The following KLHDC4 variants were observed in gnomAD, a reference collection of about 807,000 sequenced individuals.
KLHDC4 encodes the protein kelch domain-containing protein 4.
In KLHDC4, 90 loss-of-function variants were observed where a neutral mutation model predicts 62.4. The observed-to-expected ratio is 1.44, with a 90% CI of 1.22 to 1.72. The LOEUF (loss-of-function observed/expected upper bound fraction) is 1.72. KLHDC4 is among the 40% of genes most tolerant of loss of function. The pLI, the probability that KLHDC4 is intolerant of heterozygous loss-of-function variation, is 0.00. For missense variants in KLHDC4, 1,025 were observed against 699.7 expected (o/e 1.47, Z -5.25); for synonymous variants, 386 against 284.4 (o/e 1.36, Z -3.59).
At chr16:87,734,612 G>A (rs1373799940) in intron 5 of KLHDC4, among the ~76,000 whole-genome samples, 1 of 152,154 alleles carries the variant, frequency 6.6e-6, no homozygotes, top group African/African-American at 2.4e-5. Context: ...CCCCTCCATG[G>A]AATGTCAACC....
intron 6 of KLHDC4, chr16:87,729,267 T>G (rs1049844328): frequency 7.9e-5 from 12 of 152,160 alleles, no homozygotes; most frequent in African/African-American, 2.9e-4. Context: ...TACAGACTTA[T>G]CACGATGGAT....
intron 7 of KLHDC4, among the ~76,000 whole-genome samples, chr16:87,720,122 G>A (rs1016328334): frequency 6.7e-6 from 1 of 148,166 alleles, no homozygotes; most frequent in African/African-American, 2.7e-5. Flanking sequence ...CATCAGGAGA[G>A]GAGAAGACAC....
chr16:87,756,769 T>A (rs75996787), intron 2 of KLHDC4, among the ~76,000 whole-genome samples: 3,765 of 150,776 alleles, frequency 0.025, 152 homozygotes, highest in African/African-American at 0.086. Flanking sequence ...TAAGTCCAGA[T>A]GCCCCTACTG....
chr16:87,729,969 T>C (rs2040050846), intron 6 of KLHDC4, among the ~76,000 whole-genome samples: 1 of 152,218 alleles, frequency 6.6e-6, no homozygotes, highest in Non-Finnish European at 1.5e-5. Context: ...TTATTTATTT[T>C]TTCAAACGAA....
intron 7 of KLHDC4, among the ~76,000 whole-genome samples, chr16:87,720,462 G>C (rs2038052823): frequency 6.6e-6 from 1 of 152,180 alleles, no homozygotes; most frequent in Admixed American, 6.5e-5. Context: ...CCCATCAAGA[G>C]CACAGCTCGG....
intron 2 of KLHDC4, among the ~76,000 whole-genome samples, chr16:87,757,873 C>A (rs182778453): frequency 1.3e-5 from 2 of 152,088 alleles, no homozygotes. Flanking sequence ...TCCTGGGAGA[C>A]AGAGCAAGAC....
At chr16:87,706,070 AAC>A (rs1166490283), downstream of KLHDC4, among the ~76,000 whole-genome samples, 5 of 148,802 alleles carry the variant, frequency 3.4e-5, no homozygotes, top group Non-Finnish European at 7.5e-5. Flanking sequence ...GCGGAACGCA[AAC>A]ACAAGCTGTA....
At chr16:87,708,236 A>G (rs2142900386) in intron 11 of KLHDC4, 114 bp downstream of exon 11, 1 of 718,898 alleles carries the variant, frequency 1.4e-6, no homozygotes. Context: ...TACTCCACAC[A>G]CCAACGTTTT....
At chr16:87,703,543 T>C (rs1213531924), downstream of KLHDC4, 8 of 152,386 alleles carry the variant, frequency 5.2e-5, no homozygotes, top group East Asian at 1.5e-3. Context: ...CGTCTCCGTT[T>C]GTTTCTCAGG....
chr16:87,759,017 A>T (rs994241815), intron 2 of KLHDC4, among the ~76,000 whole-genome samples: 5 of 152,084 alleles, frequency 3.3e-5, no homozygotes, highest in African/African-American at 1.2e-4. Flanking sequence ...CTCTACTAAA[A>T]ATACAAAATT....
chr16:87,729,106 T>C (rs2039883073), intron 6 of KLHDC4, among the ~76,000 whole-genome samples: 1 of 152,192 alleles, frequency 6.6e-6, no homozygotes, highest in Admixed American at 6.5e-5. Flanking sequence ...AATTACATTT[T>C]TAAATCTTTC....
chr16:87,709,392 C>A lies in KLHDC4; in HGVS notation c.1320G>T (p.Lys440Asn), dbSNP rs1448467947. The A allele has an allele frequency of 6.2e-7, 1 of 1,613,416 alleles. No homozygotes were observed. The highest frequency in any genetic ancestry group is 1.1e-5 in the South Asian group (1 of 91,092). Residue 440 changes from lysine to asparagine, a missense_variant, in exon 10 of 12, where the codon AAG becomes AAT. Transcript: ENST00000270583. The part of the protein sequence containing the change: ...CPRSNAMLAV[K>N]HGVLYVYGGM... The stretch of plus-strand genomic sequence containing the variant: ...CCCCATAGACGTAGAGCACCCCATG[C>A]TTCACAGCCAGCATGGCGTTGGAGC...
chr16:87,759,044 G>C (rs774859739), intron 2 of KLHDC4, among the ~76,000 whole-genome samples: 3 of 152,002 alleles, frequency 2.0e-5, no homozygotes, highest in Non-Finnish European at 1.5e-5. Flanking sequence ...GCATGGTGGC[G>C]CATGCCTGTA....
At chr16:87,754,236 C>T (rs1333796673) in intron 4 of KLHDC4, among the ~76,000 whole-genome samples, 1 of 152,168 alleles carries the variant, frequency 6.6e-6, no homozygotes, top group East Asian at 1.9e-4. Context: ...ATCCCAGTTA[C>T]TCAGGAGGCT....
chr16:87,765,957 C>A lies in KLHDC4; in HGVS notation c.-67G>T. 6.8e-7 allele frequency: 1 copy of A among 1,471,218 alleles called. No homozygotes were observed. The highest frequency in any genetic ancestry group is 9.3e-7 in the Non-Finnish European group (1 of 1,080,290). 91.1% of individuals were successfully genotyped at this position (1,471,218 alleles called of 1,614,324 possible). ...ACGGCCCGCGCTCTCCGCTCGGAAA[C>A]AGGTGCTCGTGGGGCGGAGCTCGGC... On this transcript the variant is annotated 5_prime_UTR_variant, in exon 1 of 12. Coordinates refer to ENST00000270583, the MANE Select transcript of KLHDC4 (RefSeq NM_017566.4).
intron 3 of KLHDC4, 131 bp downstream of exon 3, chr16:87,756,268 C>A: frequency 1.5e-6 from 1 of 669,228 alleles, no homozygotes; most frequent in Non-Finnish European, 2.6e-6. Context: ...TCACATCAGG[C>A]CTGACGGCTC....
chr16:87,739,999 C>T lies in KLHDC4; in HGVS notation c.506+8674G>A, dbSNP rs2042006588. ...TATATGAATCACATCTCAGAGAAAG[C>T]TGTTATGAAACACCTATCGGGCGGG... On this transcript the variant is annotated intron_variant, in intron 5 of 11. Transcript: ENST00000270583. 2.0e-5 allele frequency: 3 copies of T among 152,240 alleles called. No homozygotes were observed. In the South Asian group the frequency reaches 6.2e-4, roughly 31 times the overall value. The allele number at this position is 152,240 out of a possible 1,614,324, so 9.4% of individuals were successfully genotyped here.
intron 4 of KLHDC4, among the ~76,000 whole-genome samples, chr16:87,752,212 G>A (rs2044109933): frequency 6.7e-6 from 1 of 148,536 alleles, no homozygotes; most frequent in Non-Finnish European, 1.5e-5. Flanking sequence ...TTCAACACTT[G>A]CCTGGGCAAT....
Position 87,742,616 on chromosome 16 carries a change from A to C in KLHDC4, c.506+6057T>G, listed in dbSNP as rs547182819. Among the ~76,000 whole-genome samples the C allele has an allele frequency of 1.8e-3, 276 of 152,268 alleles. 1 individual carries two copies. Among genetic ancestry groups the C allele is most frequent in the Non-Finnish European group, 3.5e-3 (237 of 68,026 alleles). ...GAGGGTACAAGGAGAGGTTAGGGTAAAACACAGATTCCTCAACCACACATC... is the reference window on the plus strand; with the variant it reads ...GAGGGTACAAGGAGAGGTTAGGGTACAACACAGATTCCTCAACCACACATC... On this transcript the variant is annotated intron_variant, in intron 5 of 11. Transcript: ENST00000270583.
Sources: allele counts gnomAD v4.1 joint callset (sites outside exome capture counted in the v4.1 genomes callset), GRCh38; gene constraint gnomAD v4.1.1; transcripts MANE v1.5; gene names NCBI Gene and HGNC (gene_info 2026-07-23, HGNC 2026-07-21).